The following APBA2 variants were observed in gnomAD, a reference collection of about 807,000 sequenced individuals.
APBA2 encodes the protein amyloid beta precursor protein binding family A member 2.
A neutral mutation model predicts 75.0 loss-of-function variants in APBA2; 30 were observed. The ratio of observed to expected loss-of-function variants is 0.40; its 90% CI spans 0.30 to 0.54. The LOEUF (loss-of-function observed/expected upper bound fraction) is 0.54. Among genes scored for constraint, APBA2 ranks in the 20% least tolerant of loss-of-function variants. The pLI is 0.49. For synonymous variants in APBA2, 444 were observed against 409.6 expected (o/e 1.08, Z -1.01); for missense variants, 801 against 1,016.1 (o/e 0.79, Z 2.88).
chr15:29,032,654 G>T (rs537654959), intron 3 of APBA2, among the ~76,000 whole-genome samples: 1 of 152,270 alleles, frequency 6.6e-6, no homozygotes, highest in South Asian at 2.1e-4. Flanking sequence ...GAAGTCATGT[G>T]TCTCCTGGAC....
At chr15:28,901,232 G>A (rs1267157361) in intron 1 of APBA2, among the ~76,000 whole-genome samples, 1 of 152,184 alleles carries the variant, frequency 6.6e-6, no homozygotes, top group Non-Finnish European at 1.5e-5. Flanking sequence ...AGCCATCACC[G>A]TGGCCTGAGG....
intron 2 of APBA2, among the ~76,000 whole-genome samples, chr15:28,929,555 C>T (rs568310982): frequency 3.5e-4 from 54 of 152,282 alleles, no homozygotes; most frequent in Non-Finnish European, 5.1e-4. Context: ...GCCCAGGCTT[C>T]CCTGGGGCAA....
chr15:29,075,332 C>T (rs2042803908), intron 5 of APBA2, among the ~76,000 whole-genome samples: 1 of 152,138 alleles, frequency 6.6e-6, no homozygotes, highest in Non-Finnish European at 1.5e-5. Context: ...GTCTGATAAC[C>T]ATGTTCTAAA....
intron 3 of APBA2, among the ~76,000 whole-genome samples, chr15:29,028,845 T>C (rs1330946788): frequency 6.6e-6 from 1 of 152,244 alleles, no homozygotes; most frequent in Admixed American, 6.5e-5. Context: ...GCCTGCTTTT[T>C]AATGGGGTTG....
chr15:29,105,355 C>G (rs747530949), intron 10 of APBA2, 24 bp from the exon 11 acceptor site: 1 of 1,605,718 alleles, frequency 6.2e-7, no homozygotes, highest in South Asian at 1.1e-5. Context: ...GTGCCTGTCT[C>G]CAGCTGGCCT....
intron 3 of APBA2, among the ~76,000 whole-genome samples, chr15:29,039,523 C>G (rs1476460219): frequency 2.0e-5 from 3 of 152,126 alleles, no homozygotes; most frequent in Non-Finnish European, 4.4e-5. Flanking sequence ...CCAAATTCTC[C>G]TCACCCAGAA....
In APBA2 at chr15:29,050,768, G is replaced by A. The variant is rs113833534; in HGVS notation, c.-40-3077G>A. Among the ~76,000 whole-genome samples the A allele has an allele frequency of 9.1e-3, 1,383 of 152,242 alleles. 19 individuals carry two copies. The highest frequency in any genetic ancestry group is 0.031 in the African/African-American group (1,304 of 41,534). On this transcript the variant is annotated intron_variant, in intron 3 of 14. Transcript: ENST00000683413. ...TGCATATTACAGATTTTATCCCCCC[G>A]AATGACAGAGATTTTGAAGTTAAGA...
At chr15:29,017,274 C>T (rs888013620) in intron 3 of APBA2, among the ~76,000 whole-genome samples, 1 of 151,952 alleles carries the variant, frequency 6.6e-6, no homozygotes, top group South Asian at 2.1e-4. Flanking sequence ...TTAATTTCTC[C>T]ATTTTCTCTT....
At chr15:28,916,873 A>C (rs1203420268) in intron 1 of APBA2, among the ~76,000 whole-genome samples, 1 of 152,236 alleles carries the variant, frequency 6.6e-6, no homozygotes, top group African/African-American at 2.4e-5. Context: ...GAAAATCTTC[A>C]GACATCATTT....
intron 3 of APBA2, among the ~76,000 whole-genome samples, chr15:29,043,197 T>TG (rs1320674384): frequency 6.6e-6 from 1 of 152,190 alleles, no homozygotes; most frequent in Non-Finnish European, 1.5e-5. Context: ...TGCCATTTCC[T>TG]GGAGACTAGT....
At chr15:28,894,955 G>T (rs1320655566) in intron 1 of APBA2, among the ~76,000 whole-genome samples, 1 of 152,106 alleles carries the variant, frequency 6.6e-6, no homozygotes, top group Admixed American at 6.5e-5. Flanking sequence ...TGCGTCATTG[G>T]GGGGCTCCAG....
intron 14 of APBA2, 35 bp from the exon 15 acceptor site, chr15:29,117,027 A>G: frequency 6.2e-7 from 1 of 1,606,290 alleles, no homozygotes; most frequent in Non-Finnish European, 8.5e-7. Flanking sequence ...GGGAGGTGGG[A>G]GGGCAGCGGC....
At chr15:28,929,259 C>A (rs1429706294) in intron 2 of APBA2, among the ~76,000 whole-genome samples, 1 of 152,156 alleles carries the variant, frequency 6.6e-6, no homozygotes, top group Non-Finnish European at 1.5e-5. Context: ...TCCCTTGCGT[C>A]CTTGCACCCA....
intron 3 of APBA2, among the ~76,000 whole-genome samples, chr15:29,033,609 A>G (rs2040592367): frequency 6.6e-6 from 1 of 152,116 alleles, no homozygotes; most frequent in Non-Finnish European, 1.5e-5. Context: ...GAACACCATT[A>G]TACTTAACAA....
intron 2 of APBA2, among the ~76,000 whole-genome samples, chr15:28,956,829 A>G (rs1595562633): frequency 6.6e-6 from 1 of 152,152 alleles, no homozygotes; most frequent in East Asian, 1.9e-4. Context: ...TAGGATTTAT[A>G]TTTTGTGACT....
chr15:28,984,876 T>TCTCC, intron 2 of APBA2, among the ~76,000 whole-genome samples: 1 of 121,936 alleles, frequency 8.2e-6, no homozygotes, highest in African/African-American at 4.2e-5. Flanking sequence ...TCTCTCTCTC[T>TCTCC]CCCCCCACTG....
chr15:29,015,769 G>C (rs1026915092), intron 3 of APBA2, among the ~76,000 whole-genome samples: 2 of 152,172 alleles, frequency 1.3e-5, no homozygotes, highest in African/African-American at 4.8e-5. Context: ...CCAGGTTTGT[G>C]GGGGGACAAG....
At chr15:29,088,855 A>G (rs1008212643) in intron 6 of APBA2, among the ~76,000 whole-genome samples, 2 of 152,124 alleles carry the variant, frequency 1.3e-5, no homozygotes, top group African/African-American at 4.8e-5. Context: ...CCCATGCCCT[A>G]GGCCTCGGCA....
intron 4 of APBA2, among the ~76,000 whole-genome samples, chr15:29,068,795 A>C (rs1338543594): frequency 6.6e-6 from 1 of 152,182 alleles, no homozygotes; most frequent in Non-Finnish European, 1.5e-5. Flanking sequence ...GGGCTCTCAC[A>C]GGGCAGTATG....
Sources: allele counts gnomAD v4.1 joint callset (sites outside exome capture counted in the v4.1 genomes callset), GRCh38; gene constraint gnomAD v4.1.1; transcripts MANE v1.5; gene names NCBI Gene and HGNC (gene_info 2026-07-23, HGNC 2026-07-21).